TFAP2D: variants seen among roughly 807,000 people sequenced by gnomAD.
TFAP2D encodes transcription factor AP-2 delta.
Under a neutral mutation model 43.6 loss-of-function variants are expected in TFAP2D, and 9 were observed. That is an observed-to-expected ratio of 0.21 (90% confidence interval 0.12 to 0.36). The LOEUF is 0.36. TFAP2D is among the 10% of genes least tolerant of loss of function. TFAP2D has a pLI of 1.00. For missense variants in TFAP2D, 513 were observed against 561.4 expected (o/e 0.91, Z 0.87); for synonymous variants, 256 against 224.9 (o/e 1.14, Z -1.24).
chr6:50,772,979 C>A lies in TFAP2D; in HGVS notation c.*115C>A. ...ACCAAATCTCTACCCTTCCCCAACC[C>A]TCCATAAAAAAACAAAAATGGAAAT... On this transcript the variant is annotated 3_prime_UTR_variant, in exon 8 of 8. Transcript: ENST00000008391. 1.1e-6 allele frequency: 1 copy of A among 909,278 alleles called. No homozygotes were observed. Among genetic ancestry groups the A allele is most frequent in the Non-Finnish European group, 1.5e-6 (1 of 659,606 alleles). 56.3% of individuals were successfully genotyped at this position (909,278 alleles called of 1,614,324 possible).
chr6:50,757,783 CTATATATATAGAATATATATAAT>C (rs1250545588), intron 7 of TFAP2D, among the ~76,000 whole-genome samples: 6,027 of 70,724 alleles, frequency 0.085, 228 homozygotes, highest in Non-Finnish European at 0.12. Flanking sequence ...TATAATTATT[CTATATATATAGAATATATATAAT>C]TATATATATA....
At chr6:50,755,739 A>G (rs1418767496) in intron 7 of TFAP2D, among the ~76,000 whole-genome samples, 1 of 152,038 alleles carries the variant, frequency 6.6e-6, no homozygotes, top group Non-Finnish European at 1.5e-5. Context: ...CTTGAGGCCA[A>G]GACTTCAAGA....
At chr6:50,731,548 C>T (rs1174972938) in intron 5 of TFAP2D, among the ~76,000 whole-genome samples, 1 of 151,724 alleles carries the variant, frequency 6.6e-6, no homozygotes, top group Non-Finnish European at 1.5e-5. Context: ...TTTTAATGTT[C>T]CTTGTAAACC....
chr6:50,720,584 T>G (rs1035580612), intron 3 of TFAP2D, among the ~76,000 whole-genome samples: 7 of 151,046 alleles, frequency 4.6e-5, no homozygotes, highest in African/African-American at 1.7e-4. Flanking sequence ...TGAGGAATAT[T>G]AAGCTTGCCA....
At chr6:50,757,757 A>ATATATAGAATATATATAATTATTC (rs1769307317) in intron 7 of TFAP2D, among the ~76,000 whole-genome samples, 1 of 55,174 alleles carries the variant, frequency 1.8e-5, no homozygotes, top group African/African-American at 6.2e-5. Flanking sequence ...TAATTATTCT[A>ATATATAGAATATATATAATTATTC]TATATATAGA....
chr6:50,723,522 A>C (rs891276945), intron 3 of TFAP2D, among the ~76,000 whole-genome samples: 2 of 152,278 alleles, frequency 1.3e-5, no homozygotes, highest in Admixed American at 1.3e-4. Context: ...ACTCATCTCT[A>C]TGGTTCATCC....
At position 50,741,035 on chromosome 6, in the gene TFAP2D, T is replaced by C. The variant is rs183031672; in HGVS notation, c.884-4072T>C. Among the ~76,000 whole-genome samples the C allele has an allele frequency of 9.3e-4, 141 of 152,210 alleles. 1 individual carries two copies. Among genetic ancestry groups the C allele is most frequent in the African/African-American group, 3.3e-3 (136 of 41,572 alleles). On this transcript the variant is annotated intron_variant, in intron 5 of 7. Coordinates refer to ENST00000008391, the MANE Select transcript of TFAP2D (RefSeq NM_172238.4). ...TATCTTTTACGTTCTTGCTATGTTC[T>C]GAAATTTATTTGTGCCTGCTTTTTA...
intron 3 of TFAP2D, among the ~76,000 whole-genome samples, chr6:50,720,256 T>G (rs1768696767): frequency 6.6e-6 from 1 of 152,192 alleles, no homozygotes; most frequent in Non-Finnish European, 1.5e-5. Context: ...TTGAAAGATT[T>G]GCTTTTCCAG....
chr6:50,717,534 C>T (rs530530322), intron 2 of TFAP2D, among the ~76,000 whole-genome samples: 1 of 152,286 alleles, frequency 6.6e-6, no homozygotes, highest in African/African-American at 2.4e-5. Flanking sequence ...TTTCCATATA[C>T]GAATGTCCTT....
chr6:50,724,807 C>A (rs1023921865), intron 3 of TFAP2D, among the ~76,000 whole-genome samples: 4 of 151,928 alleles, frequency 2.6e-5, no homozygotes, highest in Non-Finnish European at 5.9e-5. Flanking sequence ...TCTTGTCCTA[C>A]CCCGCAGTTC....
chr6:50,744,000 G>T (rs1460257390), intron 5 of TFAP2D, among the ~76,000 whole-genome samples: 4 of 152,144 alleles, frequency 2.6e-5, no homozygotes, highest in African/African-American at 9.7e-5. Context: ...CTTGAATAAG[G>T]TAGGTGAGTA....
intron 6 of TFAP2D, among the ~76,000 whole-genome samples, chr6:50,747,124 G>T (rs970333521): frequency 6.6e-5 from 10 of 152,068 alleles, no homozygotes; most frequent in African/African-American, 1.9e-4. Context: ...TGCATATTTT[G>T]TCTTCTGGGA....
intron 2 of TFAP2D, among the ~76,000 whole-genome samples, chr6:50,717,271 T>C (rs1768642907): frequency 6.6e-6 from 1 of 152,234 alleles, no homozygotes; most frequent in Admixed American, 6.5e-5. Context: ...CACCGTAGTT[T>C]ATCCAATTTT....
intron 7 of TFAP2D, among the ~76,000 whole-genome samples, chr6:50,768,728 C>A (rs1467189693): frequency 6.6e-6 from 1 of 152,074 alleles, no homozygotes; most frequent in East Asian, 1.9e-4. Flanking sequence ...TCATTCTGTG[C>A]AGTGTGCTAT....
chr6:50,729,282 A>T lies in TFAP2D; in HGVS notation c.853A>T (p.Asn285Tyr). 1.2e-6 allele frequency: 2 copies of T among 1,613,932 alleles called. No homozygotes were observed. The highest frequency in any genetic ancestry group is 1.7e-6 in the Non-Finnish European group (2 of 1,179,828). ...ACCAGCAGGAAGACGGAAAGCAGCT[A>T]ATGTCACCCTCCTTACTTCCTTGGT... ...NLPAGRRKAA[N>Y]VTLLTSLVEG... Residue 285 changes from asparagine (N) to tyrosine (Y), a missense_variant, in exon 5 of 8, where the codon AAT (asparagine) becomes TAT (tyrosine). By Grantham distance (143) the Asn-to-Tyr change is moderately radical. Around this residue, in one of 3 missense-constraint regions of TFAP2D, gnomAD observed 199 missense variants for 227.9 expected, o/e 0.87. Coordinates refer to ENST00000008391, the MANE Select transcript of TFAP2D (RefSeq NM_172238.4).
chr6:50,720,500 CA>C (rs1768702463), intron 3 of TFAP2D, among the ~76,000 whole-genome samples: 1 of 79,928 alleles, frequency 1.3e-5, no homozygotes, highest in Non-Finnish European at 3.2e-5. Flanking sequence ...CACACACACA[CA>C]CACACACACA....
At chr6:50,755,113 A>AT (rs1254990023) in intron 7 of TFAP2D, among the ~76,000 whole-genome samples, 1 of 151,864 alleles carries the variant, frequency 6.6e-6, no homozygotes, top group Non-Finnish European at 1.5e-5. Flanking sequence ...TCTTTGATTC[A>AT]TTTTGAGTTA....
chr6:50,718,756 C>CACT (rs1401627328), intron 2 of TFAP2D, among the ~76,000 whole-genome samples: 1 of 152,200 alleles, frequency 6.6e-6, no homozygotes, highest in African/African-American at 2.4e-5. Flanking sequence ...GCTGAGTGTA[C>CACT]ACTGTCTGTA....
chr6:50,766,313 T>G (rs1437105412), intron 7 of TFAP2D, among the ~76,000 whole-genome samples: 3 of 152,204 alleles, frequency 2.0e-5, no homozygotes, highest in African/African-American at 7.2e-5. Flanking sequence ...TCATCTTTGT[T>G]CTTGTTTCTC....
Sources: allele counts gnomAD v4.1 joint callset (sites outside exome capture counted in the v4.1 genomes callset), GRCh38; gene constraint gnomAD v4.1.1; regional missense constraint gnomAD v4.1.1; transcripts MANE v1.5; gene names NCBI Gene and HGNC (gene_info 2026-07-23, HGNC 2026-07-21).